LRRC37A2: variants seen among roughly 807,000 people sequenced by gnomAD.
The protein encoded by LRRC37A2 is leucine-rich repeat-containing protein 37A2.
Under a neutral mutation model 68.8 loss-of-function variants are expected in LRRC37A2, and 9 were observed. The observed-to-expected ratio is 0.13, with a 90% CI of 0.08 to 0.23. The LOEUF (loss-of-function observed/expected upper bound fraction) is 0.23. Ranked by LOEUF, LRRC37A2 falls within the 10% of genes least tolerant of loss-of-function variation. The pLI is 1.00. For missense variants in LRRC37A2, 168 were observed against 950.4 expected (o/e 0.18, Z 10.82); for synonymous variants, 63 against 367.6 (o/e 0.17, Z 9.48).
At chr17:46,809,012 C>G in the LRRC37A2 span, among the ~76,000 whole-genome samples, 1 of 152,280 alleles carries the variant, frequency 6.6e-6, no homozygotes, top group South Asian at 2.1e-4. Flanking sequence ...CCCAGGTCAA[C>G]AGGCCCCAGG....
the LRRC37A2 span, among the ~76,000 whole-genome samples, chr17:46,914,147 C>T: frequency 1.3e-5 from 2 of 152,058 alleles, no homozygotes; most frequent in Non-Finnish European, 2.9e-5. Flanking sequence ...GTGGGCATCT[C>T]GATGCACTCT....
chr17:46,708,053 C>T, the LRRC37A2 span, among the ~76,000 whole-genome samples: 6 of 150,234 alleles, frequency 4.0e-5, no homozygotes, highest in African/African-American at 1.5e-4. Context: ...AAAAAAAAAT[C>T]CATGATATGT....
the LRRC37A2 span, among the ~76,000 whole-genome samples, chr17:47,002,016 G>T: frequency 1.3e-5 from 2 of 152,114 alleles, no homozygotes; most frequent in Non-Finnish European, 2.9e-5. Flanking sequence ...TGGGATTACG[G>T]GTGTGAGCCA....
chr17:46,768,234 C>A, the LRRC37A2 span: 1 of 1,594,856 alleles, frequency 6.3e-7, no homozygotes. The surrounding 1 kb of genome is among the most constrained non-coding windows in gnomAD (Gnocchi z 5.0). Flanking sequence ...AGGGGGTCGT[C>A]AAGAAGACGA....
At chr17:46,966,372 TCA>T in the LRRC37A2 span, among the ~76,000 whole-genome samples, 15 of 152,324 alleles carry the variant, frequency 9.8e-5, no homozygotes, top group East Asian at 2.9e-3. Flanking sequence ...TGTGACCTCC[TCA>T]CACCTCTTCA....
the LRRC37A2 span, among the ~76,000 whole-genome samples, chr17:46,842,774 A>G: frequency 2.0e-5 from 3 of 152,204 alleles, no homozygotes; most frequent in East Asian, 5.8e-4. Context: ...TAGCTGTGGA[A>G]TGATTAGTTT....
At chr17:46,820,355 G>A in the LRRC37A2 span, among the ~76,000 whole-genome samples, 2 of 152,118 alleles carry the variant, frequency 1.3e-5, no homozygotes, top group African/African-American at 4.8e-5. Flanking sequence ...GAAGGAAGGG[G>A]AGGAAAAGGA....
At chr17:46,872,779 G>T in the LRRC37A2 span, 22 of 1,584,584 alleles carry the variant, frequency 1.4e-5, no homozygotes, top group Non-Finnish European at 1.6e-5. Context: ...GAGAGGTGGG[G>T]AGGAGGGCTA....
the LRRC37A2 span, among the ~76,000 whole-genome samples, chr17:46,966,310 G>T: frequency 5.1e-4 from 78 of 152,270 alleles, no homozygotes; most frequent in African/African-American, 1.4e-3. Context: ...TTGAGACAGG[G>T]TCTTGCTGTG....
the LRRC37A2 span, among the ~76,000 whole-genome samples, chr17:46,714,789 T>C: frequency 6.6e-6 from 1 of 152,222 alleles, no homozygotes; most frequent in African/African-American, 2.4e-5. Flanking sequence ...ATTTAAATTC[T>C]TTTTTTCATG....
chr17:46,923,376 C>A, the LRRC37A2 span: 8 of 1,470,340 alleles, frequency 5.4e-6, no homozygotes, highest in Non-Finnish European at 6.3e-6. Flanking sequence ...TAATCCTTGG[C>A]GGGACTCCCA....
chr17:46,784,980 T>C, the LRRC37A2 span, among the ~76,000 whole-genome samples: 2 of 152,082 alleles, frequency 1.3e-5, no homozygotes, highest in African/African-American at 2.4e-5. Context: ...GGTTTCACTG[T>C]GTTAGCCAGG....
At chr17:46,933,809 T>G in the LRRC37A2 span, among the ~76,000 whole-genome samples, 3 of 151,620 alleles carry the variant, frequency 2.0e-5, no homozygotes, top group Admixed American at 2.0e-4. Context: ...CAAAAAAATA[T>G]AAAAATTAGC....
chr17:47,024,279 T>C, the LRRC37A2 span, among the ~76,000 whole-genome samples: 1 of 152,240 alleles, frequency 6.6e-6, no homozygotes, highest in East Asian at 1.9e-4. Context: ...GGGAAAAGGT[T>C]GAATGGCTTC....
chr17:46,953,842 G>T, the LRRC37A2 span, among the ~76,000 whole-genome samples: 1 of 152,080 alleles, frequency 6.6e-6, no homozygotes, highest in Non-Finnish European at 1.5e-5. Flanking sequence ...GTCTTCTTTT[G>T]AGAAGTGTAT....
the LRRC37A2 span, chr17:46,933,057 T>C: frequency 6.6e-6 from 1 of 152,282 alleles, no homozygotes; most frequent in Admixed American, 6.5e-5. Context: ...TTCCCCAGAC[T>C]AAGCAGTCAA....
chr17:46,784,320 G>T, the LRRC37A2 span, among the ~76,000 whole-genome samples: 2 of 152,304 alleles, frequency 1.3e-5, no homozygotes, highest in South Asian at 4.2e-4. Flanking sequence ...GAGGAAGTGC[G>T]TGGGGCCAGA....
At chr17:46,792,107 A>C in the LRRC37A2 span, among the ~76,000 whole-genome samples, 2 of 152,224 alleles carry the variant, frequency 1.3e-5, no homozygotes, top group South Asian at 4.1e-4. Context: ...TAAAGTCAAA[A>C]AATTCTAAAT....
the LRRC37A2 span, among the ~76,000 whole-genome samples, chr17:46,750,777 A>G: frequency 1.1e-4 from 17 of 152,160 alleles, no homozygotes; most frequent in African/African-American, 3.1e-4. Flanking sequence ...TTAACCATTC[A>G]TAGTGGCTTT....
Sources: allele counts gnomAD v4.1 joint callset (sites outside exome capture counted in the v4.1 genomes callset), GRCh38; gene constraint gnomAD v4.1.1; non-coding constraint Gnocchi (gnomAD v3.1); transcripts MANE v1.5; gene names NCBI Gene and HGNC (gene_info 2026-07-23, HGNC 2026-07-21).